NDUFS4: variants seen among roughly 807,000 people sequenced by gnomAD.
NDUFS4 encodes the protein NADH:ubiquinone oxidoreductase subunit S4.
NDUFS4 carries 28 observed loss-of-function variants against 24.3 expected under a neutral mutation model. The ratio of observed to expected loss-of-function variants is 1.15; its 90% CI spans 0.85 to 1.58. The LOEUF (loss-of-function observed/expected upper bound fraction) is 1.58, where lower values mean the gene tolerates loss of function less well. Ranked by LOEUF, NDUFS4 falls within the 40% of genes most tolerant of loss-of-function variation. The pLI is 0.00. For synonymous variants in NDUFS4, 93 were observed against 69.7 expected, an observed-to-expected ratio of 1.34 and a Z score of -1.67; for missense variants, 223 against 207.9, an observed-to-expected ratio of 1.07 and a Z score of -0.45.
At chr5:53,632,991 T>TA (rs1290800546) in intron 2 of NDUFS4, among the ~76,000 whole-genome samples, 1 of 152,228 alleles carries the variant, frequency 6.6e-6, no homozygotes, top group Non-Finnish European at 1.5e-5. Context: ...ACATACTACA[T>TA]ATGTGGCTTA....
intron 2 of NDUFS4, among the ~76,000 whole-genome samples, chr5:53,633,500 A>G (rs1751467544): frequency 6.6e-6 from 1 of 152,198 alleles, no homozygotes; most frequent in East Asian, 1.9e-4. Context: ...GTCTATTACC[A>G]TTAGATCACA....
At chr5:53,612,625 A>G (rs1415450668) in intron 2 of NDUFS4, among the ~76,000 whole-genome samples, 1 of 152,104 alleles carries the variant, frequency 6.6e-6, no homozygotes, top group African/African-American at 2.4e-5. Context: ...GTATTTTGCT[A>G]CTTGAAAATT....
At chr5:53,602,353 CTGAG>C (rs1402861522) in intron 1 of NDUFS4, among the ~76,000 whole-genome samples, 1 of 151,980 alleles carries the variant, frequency 6.6e-6, no homozygotes, top group African/African-American at 2.4e-5. Context: ...AGGTATATTT[CTGAG>C]TGGGGCATTT....
At chr5:53,568,885 C>A (rs1172526507) in intron 1 of NDUFS4, among the ~76,000 whole-genome samples, 1 of 152,086 alleles carries the variant, frequency 6.6e-6, no homozygotes, top group Non-Finnish European at 1.5e-5. Flanking sequence ...TTTCTGTATT[C>A]TTAAACAAAG....
chr5:53,654,630 C>T (rs1752112865), intron 3 of NDUFS4, among the ~76,000 whole-genome samples: 2 of 152,002 alleles, frequency 1.3e-5, no homozygotes, highest in South Asian at 2.1e-4. Flanking sequence ...CATTTAGAGC[C>T]ACTTATAACT....
intron 4 of NDUFS4, among the ~76,000 whole-genome samples, chr5:53,667,191 C>T (rs531830754): frequency 3.1e-4 from 47 of 152,108 alleles, no homozygotes; most frequent in African/African-American, 1.1e-3. Context: ...GGAGGCCAGG[C>T]GCGGTGGCTC....
chr5:53,666,546 T>A (rs138958761), intron 4 of NDUFS4, among the ~76,000 whole-genome samples: 12 of 152,368 alleles, frequency 7.9e-5, no homozygotes, highest in African/African-American at 2.6e-4. Context: ...CTATGTCCTA[T>A]CTTGGTCACT....
At chr5:53,583,946 A>G (rs1579836062) in intron 1 of NDUFS4, among the ~76,000 whole-genome samples, 2 of 152,232 alleles carry the variant, frequency 1.3e-5, no homozygotes, top group African/African-American at 4.8e-5. Context: ...AATATGTTAA[A>G]TGTTTAATTC....
At chr5:53,569,015 C>G (rs908218834) in intron 1 of NDUFS4, among the ~76,000 whole-genome samples, 4 of 152,138 alleles carry the variant, frequency 2.6e-5, no homozygotes, top group African/African-American at 4.8e-5. Context: ...ACAAAAGATT[C>G]TGTTCTAGAT....
At chr5:53,599,358 T>A (rs1452595298) in intron 1 of NDUFS4, among the ~76,000 whole-genome samples, 3 of 152,162 alleles carry the variant, frequency 2.0e-5, no homozygotes, top group Non-Finnish European at 2.9e-5. Context: ...TTTTCCATAG[T>A]GGTAGTACCA....
intron 2 of NDUFS4, among the ~76,000 whole-genome samples, chr5:53,634,354 A>G (rs992328804): frequency 2.6e-5 from 4 of 152,162 alleles, no homozygotes; most frequent in Non-Finnish European, 4.4e-5. Context: ...TATTGCTTAA[A>G]ACCATTGCTT....
chr5:53,680,772 C>T (rs147265914), intron 4 of NDUFS4, among the ~76,000 whole-genome samples: 1,927 of 152,162 alleles, frequency 0.013, 21 homozygotes, highest in Admixed American at 0.018. Context: ...GCGCAGCACA[C>T]CAGCATGGCA....
At chr5:53,569,035 G>A (rs1046172788) in intron 1 of NDUFS4, among the ~76,000 whole-genome samples, 6 of 152,166 alleles carry the variant, frequency 3.9e-5, no homozygotes, top group Non-Finnish European at 7.4e-5. Context: ...TGACTGTTCA[G>A]CAAGCCATAT....
At chr5:53,675,319 C>T (rs531010520) in intron 4 of NDUFS4, among the ~76,000 whole-genome samples, 13 of 152,020 alleles carry the variant, frequency 8.6e-5, no homozygotes, top group South Asian at 4.2e-4. Context: ...CCCGCCACCA[C>T]GCCCAGCTAA....
At chr5:53,652,914 A>C (rs1752057750) in intron 3 of NDUFS4, among the ~76,000 whole-genome samples, 1 of 152,046 alleles carries the variant, frequency 6.6e-6, no homozygotes, top group South Asian at 2.1e-4. Context: ...CAAGTTGCCA[A>C]AGATAACTAT....
chr5:53,602,616 AT>A (rs1472340863), intron 1 of NDUFS4, among the ~76,000 whole-genome samples: 18 of 152,168 alleles, frequency 1.2e-4, no homozygotes, highest in African/African-American at 4.1e-4. Flanking sequence ...TAGTGAATAT[AT>A]TGTATTAAAA....
chr5:53,664,679 C>T (rs1752457484), intron 4 of NDUFS4, among the ~76,000 whole-genome samples: 1 of 152,184 alleles, frequency 6.6e-6, no homozygotes, highest in Admixed American at 6.5e-5. Context: ...TTTTCAGCTC[C>T]ATCAGGTCCT....
At chr5:53,648,727 T>C (rs577431974) in intron 3 of NDUFS4, among the ~76,000 whole-genome samples, 2 of 152,216 alleles carry the variant, frequency 1.3e-5, no homozygotes, top group Non-Finnish European at 2.9e-5. Context: ...ATGGCAATAC[T>C]ATGAGACACA....
At chr5:53,608,525 A>G (rs1750598103) in intron 2 of NDUFS4, among the ~76,000 whole-genome samples, 1 of 152,220 alleles carries the variant, frequency 6.6e-6, no homozygotes, top group Non-Finnish European at 1.5e-5. Context: ...AAGTTTATGG[A>G]ATAATCTAAA....
Sources: gnomAD v4.1 joint callset for allele counts (sites outside exome capture counted in the v4.1 genomes callset) on GRCh38, gnomAD v4.1.1 for gene constraint, MANE v1.5 for transcripts, NCBI Gene and HGNC (gene_info 2026-07-23, HGNC 2026-07-21) for gene names.